RASSF3: variants seen among roughly 807,000 people sequenced by gnomAD.
The protein encoded by RASSF3 is Ras association domain family member 3, also known as ras association domain-containing protein 3.
In RASSF3, 19 loss-of-function variants were observed where a neutral mutation model predicts 19.9. That is an observed-to-expected ratio of 0.96 (90% CI 0.67 to 1.40). The LOEUF (loss-of-function observed/expected upper bound fraction) is 1.40, where lower values mean the gene tolerates loss of function less well. RASSF3 is among the 40% of genes most tolerant of loss of function. The pLI, the probability that RASSF3 is intolerant of heterozygous loss-of-function variation, is 0.00. For missense variants in RASSF3, 306 were observed against 289.8 expected (o/e 1.06, Z -0.41); for synonymous variants, 110 against 104.2 (o/e 1.06, Z -0.34).
chr12:64,561,205 TCC>T (rs1036431007), intron 2 of RASSF3, among the ~76,000 whole-genome samples: 1 of 152,102 alleles, frequency 6.6e-6, no homozygotes, highest in Admixed American at 6.6e-5. Flanking sequence ...TCCCACCAGG[TCC>T]CTTGAAGGCT....
intron 1 of RASSF3, among the ~76,000 whole-genome samples, chr12:64,650,053 A>G (rs142593215): frequency 2.0e-5 from 3 of 152,334 alleles, no homozygotes; most frequent in Admixed American, 2.0e-4. Flanking sequence ...TTTACGCACC[A>G]GCATTGTTTA....
intron 1 of RASSF3, among the ~76,000 whole-genome samples, chr12:64,657,766 C>T (rs778958745): frequency 6.9e-4 from 105 of 152,380 alleles, no homozygotes; most frequent in Non-Finnish European, 1.0e-3. Flanking sequence ...GGCAAAGATA[C>T]ATTTGCTTGA....
chr12:64,568,094 C>T (rs144430028), intron 2 of RASSF3, among the ~76,000 whole-genome samples: 663 of 152,112 alleles, frequency 4.4e-3, no homozygotes, highest in African/African-American at 0.013. Context: ...TGCAGTGGCG[C>T]GATCTTGGCT....
At chr12:64,602,552 G>A (rs574601790) in intron 2 of RASSF3, among the ~76,000 whole-genome samples, 19 of 150,658 alleles carry the variant, frequency 1.3e-4, no homozygotes. Flanking sequence ...CTACACTCCA[G>A]CCTGGTGCCA....
intron 1 of RASSF3, among the ~76,000 whole-genome samples, chr12:64,521,203 C>T (rs1868472323): frequency 6.6e-6 from 1 of 152,212 alleles, no homozygotes; most frequent in Non-Finnish European, 1.5e-5. Context: ...CTACCCTCCT[C>T]AGCCCTTCCC....
chr12:64,672,822 T>C (rs1872744238), intron 1 of RASSF3, among the ~76,000 whole-genome samples: 1 of 152,208 alleles, frequency 6.6e-6, no homozygotes. Flanking sequence ...TAGCCTGGTC[T>C]ACAGAAATGT....
At chr12:64,624,566 C>T (rs1037454044) in intron 1 of RASSF3, among the ~76,000 whole-genome samples, 1 of 152,022 alleles carries the variant, frequency 6.6e-6, no homozygotes, top group African/African-American at 2.4e-5. Flanking sequence ...TGGGCCATCA[C>T]GCCTGGCAAA....
intron 1 of RASSF3, among the ~76,000 whole-genome samples, chr12:64,513,939 G>A (rs1868343901): frequency 6.6e-6 from 1 of 152,098 alleles, no homozygotes; most frequent in African/African-American, 2.4e-5. Flanking sequence ...GAGTGCAATG[G>A]CAGGAACTCG....
At chr12:64,653,772 T>G (rs1246716890) in intron 1 of RASSF3, among the ~76,000 whole-genome samples, 1 of 152,154 alleles carries the variant, frequency 6.6e-6, no homozygotes, top group Non-Finnish European at 1.5e-5. Context: ...GGTCTTGAAT[T>G]CTTGGGCCTT....
At chr12:64,543,645 G>A (rs931013615), downstream of RASSF3, among the ~76,000 whole-genome samples, 1 of 149,876 alleles carries the variant, frequency 6.7e-6, no homozygotes, top group Non-Finnish European at 1.5e-5. Flanking sequence ...GCGGGCGCAC[G>A]GCGCGGGACT....
chr12:64,512,424 C>T (rs902955957), intron 1 of RASSF3, among the ~76,000 whole-genome samples: 3 of 151,878 alleles, frequency 2.0e-5, no homozygotes, highest in Non-Finnish European at 2.9e-5. Flanking sequence ...CCAGCCTGAG[C>T]AACATGGTGA....
At chr12:64,678,188 A>T (rs1872976155) in intron 1 of RASSF3, among the ~76,000 whole-genome samples, 1 of 152,196 alleles carries the variant, frequency 6.6e-6, no homozygotes, top group Admixed American at 6.5e-5. Context: ...AATAAATGTG[A>T]TGTTTTACAT....
At position 64,638,407 on chromosome 12, in the gene RASSF3, T is replaced by C. The variant is rs541574173; in HGVS notation, c.111+27664T>C. On this transcript the variant is annotated intron_variant, in intron 1 of 4. Coordinates refer to ENST00000542104, the MANE Select transcript of RASSF3 (RefSeq NM_178169.4). ...CATCCTGGCTAATACGGTGAAACCC[T>C]GTCTCTACTAAAAATACAAACAATT... 5.6e-3 allele frequency among the ~76,000 whole-genome samples: 849 copies of C among 151,958 alleles called. 6 individuals carry two copies. Among genetic ancestry groups the C allele is most frequent in the African/African-American group, 0.016 (658 of 41,482 alleles).
chr12:64,636,748 C>T (rs927541033), intron 1 of RASSF3, among the ~76,000 whole-genome samples: 1 of 151,898 alleles, frequency 6.6e-6, no homozygotes, highest in Non-Finnish European at 1.5e-5. Flanking sequence ...TGCCTGTAAT[C>T]CCAGCCACTT....
At chr12:64,577,393 G>C (rs896148339) in intron 2 of RASSF3, among the ~76,000 whole-genome samples, 11 of 152,352 alleles carry the variant, frequency 7.2e-5, no homozygotes, top group African/African-American at 2.4e-4. Flanking sequence ...ATGTTCAGGT[G>C]ATTGGCTTTC....
At chr12:64,671,332 A>G (rs1233231933) in intron 1 of RASSF3, among the ~76,000 whole-genome samples, 1 of 152,214 alleles carries the variant, frequency 6.6e-6, no homozygotes, top group African/African-American at 2.4e-5. Flanking sequence ...GAAGTGGGCC[A>G]GGGGCACTGG....
chr12:64,540,288 A>G (rs1336269730), intron 1 of RASSF3, among the ~76,000 whole-genome samples: 1 of 152,192 alleles, frequency 6.6e-6, no homozygotes, highest in Non-Finnish European at 1.5e-5. Context: ...AGAGAAATCT[A>G]TTTGCTGGTG....
chr12:64,648,833 G>A (rs1871835701), intron 1 of RASSF3, among the ~76,000 whole-genome samples: 1 of 110,332 alleles, frequency 9.1e-6, no homozygotes, highest in African/African-American at 3.7e-5. Flanking sequence ...AGAGATAGGG[G>A]CTCGATCTGT....
intron 1 of RASSF3, among the ~76,000 whole-genome samples, chr12:64,674,110 G>A (rs73321790): frequency 2.2e-4 from 33 of 152,286 alleles, no homozygotes; most frequent in African/African-American, 7.7e-4. Flanking sequence ...TGCCCCAGGT[G>A]TGTGAGAGTA....
Sources: gnomAD v4.1 joint callset for allele counts (sites outside exome capture counted in the v4.1 genomes callset) on GRCh38, gnomAD v4.1.1 for gene constraint, MANE v1.5 for transcripts, NCBI Gene and HGNC (gene_info 2026-07-23, HGNC 2026-07-21) for gene names.